Variants in SCGN observed in about 807,000 individuals in gnomAD.
SCGN encodes secretagogin, EF-hand calcium binding protein, also known as secretagogin.
Under a neutral mutation model 39.7 loss-of-function variants are expected in SCGN, and 30 were observed. That is an observed-to-expected ratio of 0.76 (90% CI 0.57 to 1.03). The LOEUF (loss-of-function observed/expected upper bound fraction) is 1.03. Among genes scored for constraint, SCGN ranks in the 50% least tolerant of loss-of-function variants. The pLI is 0.00. For synonymous variants in SCGN, 106 were observed against 114.1 expected (o/e 0.93, Z 0.45); for missense variants, 353 against 349.4 (o/e 1.01, Z -0.08).
At chr6:25,657,654 T>C (rs946736443) in intron 2 of SCGN, among the ~76,000 whole-genome samples, 4 of 148,462 alleles carry the variant, frequency 2.7e-5, no homozygotes, top group Middle Eastern at 3.5e-3. Flanking sequence ...TTTAAGATTT[T>C]ATATATATAT....
chr6:25,670,434 T>C (rs1034873789), intron 6 of SCGN, among the ~76,000 whole-genome samples: 2 of 152,218 alleles, frequency 1.3e-5, no homozygotes, highest in African/African-American at 2.4e-5. Flanking sequence ...GGAAGCTGCC[T>C]CTCACCACAG....
intron 10 of SCGN, among the ~76,000 whole-genome samples, chr6:25,698,591 AG>A (rs1759866962): frequency 1.3e-5 from 2 of 152,240 alleles, no homozygotes; most frequent in African/African-American, 4.8e-5. Flanking sequence ...AACTCCCACC[AG>A]GGGGTCTCAG....
chr6:25,688,661 G>T (rs1759735167), intron 7 of SCGN, among the ~76,000 whole-genome samples: 1 of 152,096 alleles, frequency 6.6e-6, no homozygotes, highest in South Asian at 2.1e-4. Flanking sequence ...AATTAGCCGG[G>T]ACTGGTGGCG....
chr6:25,694,390 A>G (rs1435410842), intron 10 of SCGN, among the ~76,000 whole-genome samples: 1 of 152,250 alleles, frequency 6.6e-6, no homozygotes, highest in Non-Finnish European at 1.5e-5. Flanking sequence ...GAAAAATACT[A>G]GACCATGCAA....
intron 1 of SCGN, 101 bp from the exon 2 acceptor site, chr6:25,653,281 G>A (rs1760166016): frequency 1.2e-6 from 1 of 818,204 alleles, no homozygotes; most frequent in Non-Finnish European, 1.9e-6. Flanking sequence ...ATAGTGTTGA[G>A]GGAAGCTTTA....
At chr6:25,691,822 G>A (rs1759777157) in intron 10 of SCGN, among the ~76,000 whole-genome samples, 1 of 152,154 alleles carries the variant, frequency 6.6e-6, no homozygotes, top group Non-Finnish European at 1.5e-5. Flanking sequence ...CAATGATTGT[G>A]TTCTGGTTGG....
rs370218898 is a variant in SCGN, at chr6:25,691,059, A to C, written c.637A>C (p.Lys213Gln). ...AATTGGATCTTTTCTTTTTCAGAGT[A>C]AAACAGGAGCCCTGGAAGGCCCAGA... ...EKIFAYYDVS[K>Q]TGALEGPEVD... Residue 213 changes from lysine (K) to glutamine (Q), a missense_variant, in exon 10 of 11, where the codon AAA (lysine) becomes CAA (glutamine). Lys to Gln is a moderately conservative substitution (Grantham distance 53). Transcript: ENST00000377961. 1.2e-6 allele frequency: 2 copies of C among 1,613,026 alleles called. No individual in the cohort carries two copies.
At chr6:25,684,384 A>T (rs1489143517) in intron 7 of SCGN, among the ~76,000 whole-genome samples, 1 of 152,170 alleles carries the variant, frequency 6.6e-6, no homozygotes, top group Non-Finnish European at 1.5e-5. Context: ...AAATCCTCGG[A>T]TGTTCAAGTC....
At chr6:25,681,091 T>C (rs957016232) in intron 6 of SCGN, among the ~76,000 whole-genome samples, 9 of 152,228 alleles carry the variant, frequency 5.9e-5, no homozygotes, top group Non-Finnish European at 8.8e-5. Context: ...CTCTCTTCTA[T>C]TTTGCCCAAA....
intron 6 of SCGN, among the ~76,000 whole-genome samples, chr6:25,673,502 C>T (rs759703302): frequency 1.3e-4 from 20 of 152,084 alleles, no homozygotes; most frequent in Admixed American, 1.0e-3. Flanking sequence ...CAAGAAATTT[C>T]GATAGTATGC....
At chr6:25,674,829 A>G (rs1759544610) in intron 6 of SCGN, among the ~76,000 whole-genome samples, 1 of 152,182 alleles carries the variant, frequency 6.6e-6, no homozygotes, top group Non-Finnish European at 1.5e-5. Context: ...AAATTATGAT[A>G]CTGAATTTAG....
At chr6:25,653,247 A>T in intron 1 of SCGN, 135 bp from the exon 2 acceptor site, 1 of 636,792 alleles carries the variant, frequency 1.6e-6, no homozygotes, top group East Asian at 2.8e-5. Context: ...AGGTGTTGGC[A>T]CTTTGTTATT....
intron 2 of SCGN, among the ~76,000 whole-genome samples, chr6:25,655,306 A>C (rs2151376366): frequency 6.6e-6 from 1 of 152,286 alleles, no homozygotes; most frequent in East Asian, 1.9e-4. Flanking sequence ...TTGAAGCTGG[A>C]GTATCTAATA....
chr6:25,689,761 T>C (rs1298278738), intron 9 of SCGN, among the ~76,000 whole-genome samples: 1 of 152,130 alleles, frequency 6.6e-6, no homozygotes, highest in African/African-American at 2.4e-5. Flanking sequence ...ACTTTTTTTT[T>C]TGACTCCTTG....
intron 9 of SCGN, 109 bp downstream of exon 9, chr6:25,689,641 C>G: frequency 1.2e-6 from 1 of 846,108 alleles, no homozygotes; most frequent in Non-Finnish European, 2.0e-6. Flanking sequence ...TGATGAATAC[C>G]AATCCCATCT....
At chr6:25,673,179 T>A (rs1582579304) in intron 6 of SCGN, among the ~76,000 whole-genome samples, 2 of 152,202 alleles carry the variant, frequency 1.3e-5, no homozygotes, top group East Asian at 3.9e-4. Flanking sequence ...TATGACCCTG[T>A]GCCCCTATTA....
chr6:25,694,633 G>A (rs1759816256), intron 10 of SCGN, among the ~76,000 whole-genome samples: 1 of 152,204 alleles, frequency 6.6e-6, no homozygotes, highest in Admixed American at 6.5e-5. Flanking sequence ...TTCTCCAGAT[G>A]ATTTGTTGAG....
intron 7 of SCGN, among the ~76,000 whole-genome samples, chr6:25,682,597 T>C (rs1014535739): frequency 6.6e-6 from 1 of 152,120 alleles, no homozygotes; most frequent in Non-Finnish European, 1.5e-5. Flanking sequence ...CATGGAGTTG[T>C]CTACAAAAAA....
intron 6 of SCGN, among the ~76,000 whole-genome samples, chr6:25,676,032 C>T (rs1759559230): frequency 6.6e-6 from 1 of 152,228 alleles, no homozygotes; most frequent in South Asian, 2.1e-4. Flanking sequence ...ATCTGCTCCA[C>T]TACTGGGTCT....
Sources: allele counts gnomAD v4.1 joint callset (sites outside exome capture counted in the v4.1 genomes callset), GRCh38; gene constraint gnomAD v4.1.1; transcripts MANE v1.5; gene names NCBI Gene and HGNC (gene_info 2026-07-23, HGNC 2026-07-21).